MYO1A: variants seen among roughly 807,000 people sequenced by gnomAD.
The protein encoded by MYO1A is myosin IA, also known as unconventional myosin-Ia.
Under a neutral mutation model 138.5 loss-of-function variants are expected in MYO1A, and 127 were observed. The ratio of observed to expected loss-of-function variants is 0.92; its 90% CI spans 0.79 to 1.06. The LOEUF (loss-of-function observed/expected upper bound fraction) is 1.06. Among genes scored for constraint, MYO1A ranks in the 50% least tolerant of loss-of-function variants. MYO1A has a pLI of 0.00. For synonymous variants in MYO1A, 477 were observed against 497.5 expected (o/e 0.96, Z 0.55); for missense variants, 1,211 against 1,288.8 (o/e 0.94, Z 0.92).
chr12:57,030,915 T>G, intron 23 of MYO1A, 125 bp downstream of exon 23: 1 of 1,146,138 alleles, frequency 8.7e-7, no homozygotes, highest in Non-Finnish European at 1.2e-6. Context: ...GTAGATTGTA[T>G]GTTATGTATA....
At chr12:57,050,474 C>A (rs1012258713), upstream of MYO1A, among the ~76,000 whole-genome samples, 3 of 152,078 alleles carry the variant, frequency 2.0e-5, no homozygotes, top group Non-Finnish European at 4.4e-5. Context: ...TCACTTGAGC[C>A]CAGGAGTTCG....
intron 4 of MYO1A, 84 bp downstream of exon 4, chr12:57,047,543 G>A (rs2031160442): frequency 6.6e-7 from 1 of 1,520,466 alleles, no homozygotes. Context: ...TGGGGTGGAG[G>A]GTCAGGTCTA....
chr12:57,041,364 C>T (rs922702142), intron 13 of MYO1A, 68 bp downstream of exon 13: 55 of 1,594,044 alleles, frequency 3.5e-5, no homozygotes, highest in Non-Finnish European at 1.3e-5. Context: ...CCCTCCCTCA[C>T]ATCCCCCCTG....
chr12:57,028,654 C>A lies in MYO1A; in HGVS notation c.*101G>T. 2 of 1,512,454 alleles carry A rather than the reference C, an allele frequency of 1.3e-6. No homozygotes were observed. Among genetic ancestry groups the A allele is most frequent in the South Asian group, 2.5e-5 (2 of 80,706 alleles). The allele number at this position is 1,512,454 out of a possible 1,614,324, so 93.7% of individuals were successfully genotyped here. A position where few individuals can be genotyped will look rare whatever the true frequency, so the allele number is the denominator to read the frequency against. Reference sequence around the variant, plus strand: ...GTAGTTTAATCCCCAAGCCATGCGCCACGATCAGAGGGGTTAGAGATCCTC... The same window carrying A: ...GTAGTTTAATCCCCAAGCCATGCGCAACGATCAGAGGGGTTAGAGATCCTC... On this transcript the variant is annotated 3_prime_UTR_variant, in exon 28 of 28. Coordinates refer to ENST00000300119, the MANE Select transcript of MYO1A (RefSeq NM_005379.4).
intron 15 of MYO1A, 34 bp downstream of exon 15, chr12:57,039,178 G>C (rs771711384): frequency 2.8e-5 from 45 of 1,603,504 alleles, no homozygotes; most frequent in Non-Finnish European, 3.8e-5. Context: ...AGTCTGGAAG[G>C]GGAAGTCCCA....
At chr12:57,045,304 C>T (rs1207826773) in intron 8 of MYO1A, among the ~76,000 whole-genome samples, 1 of 152,036 alleles carries the variant, frequency 6.6e-6, no homozygotes, top group Admixed American at 6.6e-5. Context: ...TGTCAATTAT[C>T]TGGTATGCAA....
chr12:57,036,663 A>C, intron 21 of MYO1A, 109 bp downstream of exon 21: 2 of 1,331,036 alleles, frequency 1.5e-6, no homozygotes, highest in Non-Finnish European at 2.2e-6. Context: ...GCTGATACAC[A>C]GAGGTGCGGC....
intron 18 of MYO1A, 24 bp downstream of exon 18, chr12:57,037,845 C>G: frequency 1.2e-6 from 2 of 1,612,556 alleles, no homozygotes; most frequent in Non-Finnish European, 1.7e-6. Flanking sequence ...TTTCCTGATG[C>G]CCAGTCTCCC....
intron 22 of MYO1A, among the ~76,000 whole-genome samples, chr12:57,034,838 G>A (rs769184392): frequency 2.6e-5 from 4 of 152,084 alleles, no homozygotes; most frequent in Non-Finnish European, 4.4e-5. Flanking sequence ...GCATGGTGGC[G>A]CATGCCTGTA....
chr12:57,037,588 G>A lies in MYO1A; in HGVS notation c.2015C>T (p.Ala672Val). ...GELSMSSGEL[A>V]FGKTKIFIRS... ...AATGAAGATCTTTGTCTTGCCAAAGGCCAGCTCCCCCGAGGACATGCTCAG... is the reference window on the plus strand; with the variant it reads ...AATGAAGATCTTTGTCTTGCCAAAGACCAGCTCCCCCGAGGACATGCTCAG... The change falls in exon 19 of 28, where the codon GCC becomes GTC. Residue 672 changes from alanine to valine, a missense_variant. By Grantham distance (64) the Ala-to-Val change is moderately conservative. Coordinates refer to ENST00000300119, the MANE Select transcript of MYO1A (RefSeq NM_005379.4). The A allele has an allele frequency of 6.2e-7, 1 of 1,614,066 alleles. No homozygotes were observed. Among genetic ancestry groups the A allele is most frequent in the South Asian group, 1.1e-5 (1 of 91,066 alleles).
At position 57,031,066 on chromosome 12, in the gene MYO1A, G is replaced by A; in HGVS notation, c.2458C>T (p.Leu820=). 6.2e-7 allele frequency: 1 copy of A among 1,614,102 alleles called. No individual in the cohort carries two copies. The highest frequency in any genetic ancestry group is 8.5e-7 in the Non-Finnish European group (1 of 1,180,008). ...TTCCACTGGTAGAAGAGCTGCTGCA[G>A]CTCCTGATTTGCTGTGCTGAGGCAC... is the stretch of plus-strand genomic sequence containing the variant. ...YKCLSTANQE[L]QQLFYQWKCK... is the part of the protein sequence containing the mutation. The change falls in exon 23 of 28, where the codon CTG becomes TTG. Residue 820 remains leucine, a synonymous_variant. Transcript: ENST00000300119.
Position 57,047,959 on chromosome 12 carries a change from T to A in MYO1A, c.230+30A>T, listed in dbSNP as rs1180656959. ...ACTCAGTGTCAAGAAGCTGGGGCCC[T>A]GTCAGCCTTCCCTTGGTCCCCCTAC... is the stretch of plus-strand genomic sequence containing the variant. On this transcript the variant is annotated intron_variant, in intron 3 of 27. Transcript: ENST00000300119. 2.5e-6 allele frequency: 4 copies of A among 1,593,782 alleles called. No individual in the cohort carries two copies. The East Asian group carries it at 9.0e-5, about 36-fold the overall frequency.
Position 57,039,213 on chromosome 12 carries a change from T to C in MYO1A, c.1331A>G (p.His444Arg), listed in dbSNP as rs369967931. Residue 444 changes from histidine (H) to arginine (R), a missense_variant and splice_region_variant, in exon 15 of 28, where the codon CAT becomes CGT. Physicochemically the swap from His to Arg is conservative, Grantham distance 29 (BLOSUM62 0). Coordinates refer to ENST00000300119, the MANE Select transcript of MYO1A (RefSeq NM_005379.4). ...DNGIICKLIE[H>R]NQRGILAMLD... ...ACAGATAAGAGAATGACAACTCACA[T>C]GCTCAATGAGCTTACAAATGATGCC... 1.2e-6 allele frequency: 2 copies of C among 1,613,986 alleles called. No individual in the cohort carries two copies. The highest frequency in any genetic ancestry group is 1.7e-6 in the Non-Finnish European group (2 of 1,179,832).
intron 8 of MYO1A, among the ~76,000 whole-genome samples, chr12:57,045,828 G>A (rs924876017): frequency 6.6e-6 from 1 of 152,142 alleles, no homozygotes; most frequent in Non-Finnish European, 1.5e-5. Context: ...CCTTCCCCAG[G>A]CCAAGCCAAG....
At chr12:57,030,081 G>T in intron 24 of MYO1A, 129 bp downstream of exon 24, 2 of 1,208,640 alleles carry the variant, frequency 1.7e-6, no homozygotes, top group Non-Finnish European at 1.2e-6. Context: ...AAGACCTGCT[G>T]GATCAGAGAC....
chr12:57,037,791 G>C, intron 18 of MYO1A, 78 bp downstream of exon 18: 1 of 1,529,636 alleles, frequency 6.5e-7, no homozygotes, highest in South Asian at 1.1e-5. Flanking sequence ...GATGTGCACT[G>C]CACCTCCAGG....
At position 57,041,493 on chromosome 12, in the gene MYO1A, C is replaced by T. The variant is rs768971875; in HGVS notation, c.1103G>A (p.Gly368Asp). ...CATTACCTTCTTCTTTTCCCCGATGCCCACCTGAAGAGGAGAGAAAGATAA... is the reference window on the plus strand; with the variant it reads ...CATTACCTTCTTCTTTTCCCCGATGTCCACCTGAAGAGGAGAGAAAGATAA... Reference protein sequence around the residue: ...VNRINESIKVGIGEKKKVMGV... With the variant: ...VNRINESIKVDIGEKKKVMGV... The change falls in exon 13 of 28, where the codon GGC becomes GAC. Residue 368 changes from glycine (G) to aspartate (D), a missense_variant. Transcript: ENST00000300119. 10 of 1,612,442 alleles carry T rather than the reference C, an allele frequency of 6.2e-6. No homozygotes were observed. In the African/African-American group the frequency reaches 1.1e-4, roughly 17 times the overall value.
Position 57,046,865 on chromosome 12 carries a change from T to C in MYO1A, c.539A>G (p.Asn180Ser), listed in dbSNP as rs2031120266. ...AGTGGAATTGGGGAGACACGTACAGTTTGTGATGACACCACCGAGGGGGGA... is the reference window on the plus strand; with the variant it reads ...AGTGGAATTGGGGAGACACGTACAGCTTGTGATGACACCACCGAGGGGGGA... ...KGSPLGGVITNYLLEKSRLVK... is the reference protein window; with the variant it reads ...KGSPLGGVITSYLLEKSRLVK... Residue 180 changes from asparagine to serine, a missense_variant and splice_region_variant, in exon 7 of 28, where the codon AAC becomes AGC. Asn to Ser is a conservative substitution (Grantham distance 46, BLOSUM62 1). Transcript: ENST00000300119. The C allele has an allele frequency of 6.2e-7, 1 of 1,613,834 alleles. No homozygotes were observed. The highest frequency in any genetic ancestry group is 2.2e-5 in the East Asian group (1 of 44,862).
chr12:57,030,538 G>C, intron 23 of MYO1A, among the ~76,000 whole-genome samples: 1 of 152,154 alleles, frequency 6.6e-6, no homozygotes, highest in Non-Finnish European at 1.5e-5. Context: ...TCAAATAAAA[G>C]CACCAGGAGG....
Sources: gnomAD v4.1 joint callset for allele counts (sites outside exome capture counted in the v4.1 genomes callset) on GRCh38, gnomAD v4.1.1 for gene constraint, MANE v1.5 for transcripts, NCBI Gene and HGNC (gene_info 2026-07-23, HGNC 2026-07-21) for gene names.